Variants in WIPF2 observed in about 807,000 individuals in gnomAD.
WIPF2 encodes the protein WAS/WASL interacting protein family member 2, also known as WAS/WASL-interacting protein family member 2.
Under a neutral mutation model 38.8 loss-of-function variants are expected in WIPF2, and 23 were observed. The observed-to-expected ratio is 0.59, with a 90% CI of 0.43 to 0.84. WIPF2 has a LOEUF of 0.84. Ranked by LOEUF, WIPF2 falls within the 40% of genes least tolerant of loss-of-function variation. The probability of loss-of-function intolerance (pLI) is 0.00; values close to 1 mark genes in which losing one functional copy is unlikely to be tolerated. For synonymous variants in WIPF2, 210 were observed against 223.2 expected (o/e 0.94, Z 0.53); for missense variants, 574 against 580.5 (o/e 0.99, Z 0.11).
At chr17:40,239,288 G>A (rs1206979473) in intron 1 of WIPF2, among the ~76,000 whole-genome samples, 2 of 151,656 alleles carry the variant, frequency 1.3e-5, no homozygotes, top group Non-Finnish European at 2.9e-5. Context: ...AGCCAGGATG[G>A]TCTCGATCTC....
At chr17:40,267,258 TG>T (rs1348159325) in intron 5 of WIPF2, among the ~76,000 whole-genome samples, 1 of 152,004 alleles carries the variant, frequency 6.6e-6, no homozygotes, top group Admixed American at 6.6e-5. Context: ...TTTAGGCATG[TG>T]CGACTCTAAG....
intron 1 of WIPF2, among the ~76,000 whole-genome samples, chr17:40,245,593 T>C (rs1453205680): frequency 2.0e-5 from 3 of 152,122 alleles, no homozygotes; most frequent in Non-Finnish European, 4.4e-5. Flanking sequence ...TCTACCCGCC[T>C]CGGCCTCCCA....
intron 5 of WIPF2, among the ~76,000 whole-genome samples, chr17:40,265,497 CAA>C (rs979330248): frequency 2.0e-5 from 3 of 152,188 alleles, no homozygotes; most frequent in Admixed American, 6.5e-5. Flanking sequence ...GAAAATTTGA[CAA>C]AGACCTTAAG....
chr17:40,240,672 C>T (rs748554759), intron 1 of WIPF2, among the ~76,000 whole-genome samples: 39 of 151,750 alleles, frequency 2.6e-4, no homozygotes, highest in African/African-American at 7.7e-4. Context: ...TGGCCAGGCA[C>T]GGTATCTCAC....
intron 1 of WIPF2, among the ~76,000 whole-genome samples, chr17:40,226,627 G>A (rs2030503400): frequency 6.6e-6 from 1 of 152,056 alleles, no homozygotes; most frequent in Non-Finnish European, 1.5e-5. Flanking sequence ...CACCTAGTAG[G>A]GAGGATGTTT....
chr17:40,238,374 G>A (rs567085632), intron 1 of WIPF2, among the ~76,000 whole-genome samples: 8 of 152,082 alleles, frequency 5.3e-5, no homozygotes, highest in Middle Eastern at 3.4e-3. Context: ...CACGATCTTG[G>A]CTCACTGCAA....
chr17:40,257,435 G>GA (rs975114184), intron 2 of WIPF2, among the ~76,000 whole-genome samples: 22 of 151,964 alleles, frequency 1.4e-4, no homozygotes, highest in Non-Finnish European at 2.6e-4. Context: ...TCAATAATAG[G>GA]AAAAAAAGCA....
chr17:40,229,100 A>G (rs537133860), intron 1 of WIPF2, among the ~76,000 whole-genome samples: 3 of 148,034 alleles, frequency 2.0e-5, no homozygotes, highest in Non-Finnish European at 4.5e-5. Flanking sequence ...GGGCTTTGCC[A>G]AGTTGCCCAG....
rs960735664 is a variant in WIPF2 at position 40,246,457 on chromosome 17, G to C, written c.-69-9934G>C. On this transcript the variant is annotated intron_variant, in intron 1 of 7. Transcript: ENST00000323571. ...CTTGTTGCCTAGGCTGGAGTGCAAT[G>C]GCACAGTCTCGGCTCACTGCAACCT... 2.8e-5 allele frequency among the ~76,000 whole-genome samples: 4 copies of C among 143,814 alleles called. No individual in the cohort carries two copies. In the East Asian group the frequency reaches 6.2e-4, roughly 22 times the overall value. The allele number at this position is 143,814 out of a possible 152,430, so 94.3% of individuals were successfully genotyped here.
At chr17:40,263,515 ATATTTTATTT>A (rs1019655161) in intron 4 of WIPF2, among the ~76,000 whole-genome samples, 4 of 145,994 alleles carry the variant, frequency 2.7e-5, no homozygotes, top group South Asian at 2.1e-4. Context: ...CTAAAAGAGT[ATATTTTATTT>A]TATTTTATTT....
chr17:40,226,459 C>T (rs899491763), intron 1 of WIPF2, among the ~76,000 whole-genome samples: 1 of 151,866 alleles, frequency 6.6e-6, no homozygotes, highest in Non-Finnish European at 1.5e-5. Flanking sequence ...TCGCGATCCG[C>T]CCACCTTGGC....
At chr17:40,220,571 G>GTGTATATATATATATATATATATA (rs2030139047) in intron 1 of WIPF2, 1 of 85,650 alleles carries the variant, frequency 1.2e-5, no homozygotes, top group African/African-American at 5.0e-5. Context: ...ACGTGTGTGT[G>GTGTATATATATATATATATATATA]TGTATATATA....
rs181230487 is a variant in WIPF2 at position 40,248,432 on chromosome 17, G to A, written c.-69-7959G>A. On this transcript the variant is annotated intron_variant, in intron 1 of 7. Coordinates refer to ENST00000323571, the MANE Select transcript of WIPF2 (RefSeq NM_133264.5). ...GATCCGTCCGCCTCGGCCTCCCAAA[G>A]TGCTGGGATTATAGGCGTCAGCCAC... Among the ~76,000 whole-genome samples, 25 of 152,114 alleles carry A rather than the reference G, an allele frequency of 1.6e-4. No individual in the cohort carries two copies. The East Asian group carries it at 4.4e-3, about 27-fold the overall frequency.
chr17:40,232,294 A>G (rs1598468767), intron 1 of WIPF2, among the ~76,000 whole-genome samples: 2 of 149,592 alleles, frequency 1.3e-5, no homozygotes, highest in African/African-American at 2.5e-5. Flanking sequence ...GGTTCAAGCA[A>G]TTCTCATGCT....
chr17:40,278,066 A>G, intron 7 of WIPF2, 119 bp from the exon 8 acceptor site: 1 of 1,185,542 alleles, frequency 8.4e-7, no homozygotes, highest in East Asian at 2.6e-5. Context: ...AATAACACGT[A>G]GTCCCCAGAT....
Position 40,265,064 on chromosome 17 carries a change from T to A in WIPF2, c.888T>A (p.Pro296=), listed in dbSNP as rs2032044182. The part of the protein sequence containing the change: ...KTPGPVRGLA[P]PPPTSASPSL... ...CAGGGCCTGTCAGAGGCCTAGCACC[T>A]CCTCCACCCACCTCGGCCTCCCCAT... The change falls in exon 5 of 8, where the codon CCT becomes CCA. Residue 296 remains proline (P), a synonymous_variant. Coordinates refer to ENST00000323571, the MANE Select transcript of WIPF2 (RefSeq NM_133264.5). 3 of 1,613,768 alleles carry A rather than the reference T, an allele frequency of 1.9e-6. No individual in the cohort carries two copies. Among genetic ancestry groups the A allele is most frequent in the Non-Finnish European group, 2.5e-6 (3 of 1,179,978 alleles).
intron 4 of WIPF2, among the ~76,000 whole-genome samples, 155 bp downstream of exon 4, chr17:40,262,796 AG>A (rs1401537261): frequency 6.6e-6 from 1 of 152,204 alleles, no homozygotes; most frequent in African/African-American, 2.4e-5. Context: ...GCAAAAGCTG[AG>A]GGATTAAATG....
intron 6 of WIPF2, among the ~76,000 whole-genome samples, chr17:40,274,846 C>T (rs1413607768): frequency 2.7e-5 from 4 of 149,780 alleles, no homozygotes; most frequent in Non-Finnish European, 5.9e-5. Context: ...AGGAGGATTG[C>T]CTAAGTCCAG....
intron 5 of WIPF2, among the ~76,000 whole-genome samples, chr17:40,266,140 A>G (rs1433410020): frequency 6.6e-6 from 1 of 150,712 alleles, no homozygotes; most frequent in Non-Finnish European, 1.5e-5. Context: ...TAGGAGGCTG[A>G]GGCAGGAGAA....
Sources: allele counts gnomAD v4.1 joint callset (sites outside exome capture counted in the v4.1 genomes callset), GRCh38; gene constraint gnomAD v4.1.1; transcripts MANE v1.5; gene names NCBI Gene and HGNC (gene_info 2026-07-23, HGNC 2026-07-21).